GULP1: variants seen among roughly 807,000 people sequenced by gnomAD.
GULP1 encodes the protein GULP PTB domain containing engulfment adaptor 1.
Under a neutral mutation model 40.9 loss-of-function variants are expected in GULP1, and 19 were observed. That is an observed-to-expected ratio of 0.46 (90% confidence interval 0.32 to 0.68). The LOEUF (loss-of-function observed/expected upper bound fraction) is 0.68. Ranked by LOEUF, GULP1 falls within the 30% of genes least tolerant of loss-of-function variation. The pLI, the probability that GULP1 is intolerant of heterozygous loss-of-function variation, is 0.03. For synonymous variants in GULP1, 119 were observed against 117.6 expected, an observed-to-expected ratio of 1.01 and a Z score of -0.08; for missense variants, 312 against 362.2, an observed-to-expected ratio of 0.86 and a Z score of 1.12.
intron 7 of GULP1, among the ~76,000 whole-genome samples, chr2:188,545,354 T>C (rs1014347026): frequency 1.3e-5 from 2 of 151,796 alleles, no homozygotes; most frequent in Non-Finnish European, 2.9e-5. Context: ...TTGTGTTTGA[T>C]AGTAGAAGAA....
At chr2:188,576,233 T>C (rs1478664079) in intron 9 of GULP1, among the ~76,000 whole-genome samples, 1 of 152,050 alleles carries the variant, frequency 6.6e-6, no homozygotes, top group African/African-American at 2.4e-5. Context: ...TCTGGTCTCA[T>C]GATGTGTGCT....
chr2:188,312,564 G>T (rs2038354199), intron 1 of GULP1, among the ~76,000 whole-genome samples: 1 of 152,112 alleles, frequency 6.6e-6, no homozygotes, highest in South Asian at 2.1e-4. Flanking sequence ...GCATTTGGTT[G>T]GTTCCATGTC....
At chr2:188,557,349 A>G (rs1008203663) in intron 7 of GULP1, among the ~76,000 whole-genome samples, 5 of 152,226 alleles carry the variant, frequency 3.3e-5, no homozygotes, top group East Asian at 3.8e-4. Flanking sequence ...CCAACATACA[A>G]TGGGAGTACA....
intron 2 of GULP1, among the ~76,000 whole-genome samples, chr2:188,394,851 C>T (rs947757799): frequency 6.6e-6 from 1 of 152,134 alleles, no homozygotes; most frequent in African/African-American, 2.4e-5. Flanking sequence ...TTCTCAAATG[C>T]TGGTTGTTGC....
intron 1 of GULP1, among the ~76,000 whole-genome samples, chr2:188,339,818 C>G (rs932419328): frequency 1.3e-5 from 2 of 152,092 alleles, no homozygotes; most frequent in African/African-American, 4.8e-5. Context: ...ACCCTGTGAC[C>G]TAGGCAATTC....
At chr2:188,569,624 G>A (rs574016126) in intron 8 of GULP1, 166 of 408,298 alleles carry the variant, frequency 4.1e-4, no homozygotes, top group Non-Finnish European at 6.1e-4. Flanking sequence ...GATCAGAGCA[G>A]CAGAAGCAGC....
intron 2 of GULP1, among the ~76,000 whole-genome samples, chr2:188,475,066 AC>A (rs533570094): frequency 1.3e-5 from 2 of 152,192 alleles, no homozygotes; most frequent in South Asian, 4.1e-4. Flanking sequence ...TTGAATGCCA[AC>A]CTAGTGTCAC....
chr2:188,440,510 ATTGT>A (rs1360170380), intron 2 of GULP1, among the ~76,000 whole-genome samples: 2 of 152,116 alleles, frequency 1.3e-5, no homozygotes, highest in African/African-American at 4.8e-5. Context: ...TACTGCTTAC[ATTGT>A]TTATGTGTTA....
chr2:188,325,967 A>G (rs1340990602), intron 1 of GULP1, among the ~76,000 whole-genome samples: 1 of 152,176 alleles, frequency 6.6e-6, no homozygotes, highest in Non-Finnish European at 1.5e-5. Context: ...ACAATGTAGC[A>G]GTAATATATT....
chr2:188,330,821 C>T (rs1247805776), intron 1 of GULP1, among the ~76,000 whole-genome samples: 1 of 152,084 alleles, frequency 6.6e-6, no homozygotes, highest in Non-Finnish European at 1.5e-5. Context: ...TCCACAGTTC[C>T]ATAGATGTCT....
intron 1 of GULP1, among the ~76,000 whole-genome samples, chr2:188,339,470 T>C: frequency 6.6e-6 from 1 of 152,230 alleles, no homozygotes; most frequent in African/African-American, 2.4e-5. Context: ...TTGGCTGTCT[T>C]GGTTTCCCCC....
chr2:188,432,944 G>A (rs979852508), intron 2 of GULP1, among the ~76,000 whole-genome samples: 9 of 151,964 alleles, frequency 5.9e-5, no homozygotes, highest in Admixed American at 5.9e-4. Context: ...CTGGCTATGA[G>A]ATAGTAATAT....
chr2:188,591,072 A>G (rs533056256), intron 11 of GULP1: 4 of 152,220 alleles, frequency 2.6e-5, no homozygotes, highest in African/African-American at 9.6e-5. Flanking sequence ...TACATTACAT[A>G]TACATAATTA....
At chr2:188,542,389 C>T (rs1690750576) in intron 7 of GULP1, among the ~76,000 whole-genome samples, 1 of 152,084 alleles carries the variant, frequency 6.6e-6, no homozygotes, top group East Asian at 1.9e-4. Context: ...CAGTATTGAG[C>T]TTCTTGAGAA....
intron 4 of GULP1, among the ~76,000 whole-genome samples, chr2:188,518,053 T>C (rs941003152): frequency 9.2e-5 from 14 of 152,098 alleles, no homozygotes; most frequent in Non-Finnish European, 2.9e-5. Context: ...AAATCAAAGT[T>C]TGTATACTTT....
rs570373313 is a variant in GULP1, at chr2:188,595,848, A to G, written c.*1837A>G. The G allele has an allele frequency of 6.6e-6, 1 of 152,370 alleles. No homozygotes were observed. Among genetic ancestry groups the G allele is most frequent in the East Asian group, 1.9e-4 (1 of 5,184 alleles). The allele number at this position is 152,370 out of a possible 1,614,324, so 9.4% of individuals were successfully genotyped here. A position where few individuals can be genotyped will look rare whatever the true frequency, so the allele number is the denominator to read the frequency against. On this transcript the variant is annotated 3_prime_UTR_variant, in exon 12 of 12. Coordinates refer to ENST00000409830, the MANE Select transcript of GULP1 (RefSeq NM_016315.4). ...TTATTTCTCCAGTGCGTTTTTATGA[A>G]GATCTGGTTGAAAATTGTATTTCTA...
intron 7 of GULP1, among the ~76,000 whole-genome samples, chr2:188,557,143 A>G (rs889784482): frequency 1.3e-5 from 2 of 152,180 alleles, no homozygotes; most frequent in Non-Finnish European, 2.9e-5. Flanking sequence ...GATCCAAAAC[A>G]TATCTTTCTG....
chr2:188,514,134 C>T (rs1403242948), intron 4 of GULP1, among the ~76,000 whole-genome samples: 4 of 151,012 alleles, frequency 2.6e-5, no homozygotes, highest in African/African-American at 9.7e-5. Flanking sequence ...AGCTTTGCCC[C>T]GAGCTATCGG....
chr2:188,435,338 C>A (rs2057306179), intron 2 of GULP1, among the ~76,000 whole-genome samples: 1 of 152,080 alleles, frequency 6.6e-6, no homozygotes, highest in Non-Finnish European at 1.5e-5. Context: ...CTGCTGATCT[C>A]ATTGACAACC....
Sources: allele counts gnomAD v4.1 joint callset (sites outside exome capture counted in the v4.1 genomes callset), GRCh38; gene constraint gnomAD v4.1.1; transcripts MANE v1.5; gene names NCBI Gene and HGNC (gene_info 2026-07-23, HGNC 2026-07-21).